Variants in EPHA3 observed in about 807,000 individuals in gnomAD.
EPHA3 encodes EPH receptor A3.
A neutral mutation model predicts 107.1 loss-of-function variants in EPHA3; 42 were observed. That is an observed-to-expected ratio of 0.39 (90% CI 0.31 to 0.51). EPHA3 has a LOEUF of 0.51. Among genes scored for constraint, EPHA3 ranks in the 20% least tolerant of loss-of-function variants. EPHA3 has a pLI of 0.78. For missense variants in EPHA3, 1,183 were observed against 1,211.2 expected (o/e 0.98, Z 0.35); for synonymous variants, 461 against 424.8 (o/e 1.09, Z -1.05).
rs113209703 is a variant in EPHA3 at position 89,305,819 on chromosome 3, T to C, written c.815-35097T>C. 5.0e-3 allele frequency among the ~76,000 whole-genome samples: 766 copies of C among 152,322 alleles called. 8 individuals are homozygous for C. The highest frequency in any genetic ancestry group is 0.018 in the African/African-American group (735 of 41,578). Reference sequence around the variant, plus strand: ...TTATAATACAGAGAATAAAATTTTGTGTTAATCAACTTCCTTGAATGTTTT... The same window carrying C: ...TTATAATACAGAGAATAAAATTTTGCGTTAATCAACTTCCTTGAATGTTTT... On this transcript the variant is annotated intron_variant, in intron 3 of 16. Transcript: ENST00000336596.
At position 89,395,946 on chromosome 3, in the gene EPHA3, C is replaced by A; in HGVS notation, c.1416C>A (p.Val472=). The change falls in exon 6 of 17, where the codon GTC becomes GTA. Residue 472 remains valine, a synonymous_variant. Transcript: ENST00000336596. ...HPNGIILDYE[V]KYYEKQEQET... is the part of the protein sequence containing the mutation. ...ATGGGATCATATTGGACTACGAGGT[C>A]AAATACTATGAAAAGGTGGGGAAAC... is the stretch of plus-strand genomic sequence containing the variant. 2 of 1,613,778 alleles carry A rather than the reference C, an allele frequency of 1.2e-6. No homozygotes were observed. The highest frequency in any genetic ancestry group is 1.1e-5 in the South Asian group (1 of 90,960).
At chr3:89,175,322 T>C (rs1396940308) in intron 2 of EPHA3, among the ~76,000 whole-genome samples, 3 of 152,094 alleles carry the variant, frequency 2.0e-5, no homozygotes, top group African/African-American at 7.2e-5. Context: ...TGGAAAAGTG[T>C]CAATATTTTA....
chr3:89,269,902 A>G (rs1050151745), intron 3 of EPHA3, among the ~76,000 whole-genome samples: 1 of 151,780 alleles, frequency 6.6e-6, no homozygotes, highest in Non-Finnish European at 1.5e-5. Context: ...AGTTCAGAAG[A>G]TAGAGTCTAA....
chr3:89,469,294 T>A, intron 15 of EPHA3, among the ~76,000 whole-genome samples: 1 of 152,212 alleles, frequency 6.6e-6, no homozygotes, highest in Non-Finnish European at 1.5e-5. Flanking sequence ...ACTATTAATC[T>A]ATATTTTCCA....
intron 3 of EPHA3, among the ~76,000 whole-genome samples, chr3:89,259,629 T>C (rs1705368988): frequency 6.6e-6 from 1 of 152,220 alleles, no homozygotes; most frequent in Admixed American, 6.5e-5. Context: ...AAATGGTTGC[T>C]CTACTGAAGC....
intron 1 of EPHA3, among the ~76,000 whole-genome samples, chr3:89,118,430 TGA>T (rs971221897): frequency 1.3e-5 from 2 of 151,876 alleles, no homozygotes; most frequent in African/African-American, 4.8e-5. Context: ...AAAAATAAAA[TGA>T]GAGGAAGAAA....
intron 1 of EPHA3, among the ~76,000 whole-genome samples, chr3:89,112,060 A>G (rs1388271480): frequency 1.3e-5 from 2 of 152,080 alleles, no homozygotes; most frequent in African/African-American, 2.4e-5. Flanking sequence ...CTTCTAATTC[A>G]GAAGTGACTG....
chr3:89,427,524 C>CTCA (rs2107533335), intron 11 of EPHA3, among the ~76,000 whole-genome samples: 1 of 151,988 alleles, frequency 6.6e-6, no homozygotes, highest in East Asian at 1.9e-4. Context: ...TCGGTTAATA[C>CTCA]TCAACTCACG....
chr3:89,448,653 G>A (rs780192487), intron 13 of EPHA3, among the ~76,000 whole-genome samples: 7 of 152,110 alleles, frequency 4.6e-5, no homozygotes, highest in Admixed American at 6.5e-5. Flanking sequence ...AATGACTAAT[G>A]ATGAAGCACA....
intron 6 of EPHA3, among the ~76,000 whole-genome samples, chr3:89,397,499 A>G (rs1482779176): frequency 6.6e-6 from 1 of 152,076 alleles, no homozygotes. Flanking sequence ...TTTTAATTGT[A>G]TACATCTGCA....
At chr3:89,331,500 C>T (rs1282113606) in intron 3 of EPHA3, among the ~76,000 whole-genome samples, 1 of 152,124 alleles carries the variant, frequency 6.6e-6, no homozygotes, top group Non-Finnish European at 1.5e-5. Context: ...TAGGTCATCA[C>T]ACTTTTTTTC....
At chr3:89,428,011 T>C (rs1341098086) in intron 11 of EPHA3, among the ~76,000 whole-genome samples, 2 of 152,002 alleles carry the variant, frequency 1.3e-5, no homozygotes, top group Non-Finnish European at 2.9e-5. Flanking sequence ...CTGTAACAAT[T>C]GTCTAAAGTG....
intron 7 of EPHA3, among the ~76,000 whole-genome samples, chr3:89,402,169 C>T (rs1392113010): frequency 6.6e-6 from 1 of 152,166 alleles, no homozygotes; most frequent in Non-Finnish European, 1.5e-5. Flanking sequence ...AGATTTACCA[C>T]AGATATTGCT....
intron 5 of EPHA3, among the ~76,000 whole-genome samples, chr3:89,350,308 G>A (rs1180793739): frequency 6.7e-6 from 1 of 150,142 alleles, no homozygotes; most frequent in Admixed American, 6.6e-5. Flanking sequence ...TGGAGGCTTT[G>A]CTCATTTCTT....
intron 3 of EPHA3, among the ~76,000 whole-genome samples, chr3:89,299,414 G>A (rs2081444583): frequency 6.6e-6 from 1 of 151,646 alleles, no homozygotes; most frequent in African/African-American, 2.4e-5. Flanking sequence ...AATAGAAAGA[G>A]CATAATGAAA....
chr3:89,119,972 T>C (rs577779377), intron 1 of EPHA3, among the ~76,000 whole-genome samples: 9 of 152,220 alleles, frequency 5.9e-5, no homozygotes, highest in African/African-American at 2.2e-4. Flanking sequence ...TATTCTATTT[T>C]CCCAGCCAAC....
chr3:89,217,959 T>A (rs1320144434), intron 3 of EPHA3, among the ~76,000 whole-genome samples: 1 of 152,136 alleles, frequency 6.6e-6, no homozygotes, highest in Admixed American at 6.5e-5. Context: ...AGAGGAAAAT[T>A]TGTATTTCAG....
At position 89,241,578 on chromosome 3, in the gene EPHA3, G is replaced by A. The variant is rs190955601; in HGVS notation, c.814+31058G>A. Among the ~76,000 whole-genome samples the A allele has an allele frequency of 4.8e-3, 725 of 151,976 alleles. 1 individual carries two copies. Among genetic ancestry groups the A allele is most frequent in the South Asian group, 0.011 (54 of 4,804 alleles). Reference sequence around the variant, plus strand: ...GCATTTATTGGGCTCTTTGTGACAGGCATTGTTCATTTGTATAGTAGTGTA... The same window carrying A: ...GCATTTATTGGGCTCTTTGTGACAGACATTGTTCATTTGTATAGTAGTGTA... On this transcript the variant is annotated intron_variant, in intron 3 of 16. Transcript: ENST00000336596.
chr3:89,212,622 C>A (rs988425397), intron 3 of EPHA3, among the ~76,000 whole-genome samples: 2 of 151,408 alleles, frequency 1.3e-5, no homozygotes, highest in African/African-American at 4.9e-5. Flanking sequence ...TTTAATCCAG[C>A]CTAATGAATT....
Sources: gnomAD v4.1 joint callset for allele counts (sites outside exome capture counted in the v4.1 genomes callset) on GRCh38, gnomAD v4.1.1 for gene constraint, MANE v1.5 for transcripts, NCBI Gene and HGNC (gene_info 2026-07-23, HGNC 2026-07-21) for gene names.